Variants in TFEC observed in about 807,000 individuals in gnomAD.
TFEC encodes class E basic helix-loop-helix protein 34.
TFEC carries 31 observed loss-of-function variants against 41.6 expected under a neutral mutation model. The observed-to-expected ratio is 0.74, with a 90% CI of 0.56 to 1.01. TFEC has a LOEUF of 1.01. Among genes scored for constraint, TFEC ranks in the 50% least tolerant of loss-of-function variants. TFEC has a pLI of 0.00. For synonymous variants in TFEC, 143 were observed against 140.6 expected (o/e 1.02, Z -0.12); for missense variants, 402 against 404.1 (o/e 0.99, Z 0.04).
Position 116,104,323 on chromosome 7 carries a change from A to G in TFEC, c.198+6385T>C, listed in dbSNP as rs115976421. Among the ~76,000 whole-genome samples, 273 of 152,228 alleles carry G rather than the reference A, an allele frequency of 1.8e-3. 1 individual carries two copies. Among genetic ancestry groups the G allele is most frequent in the African/African-American group, 6.2e-3 (258 of 41,530 alleles). On this transcript the variant is annotated intron_variant, in intron 3 of 8. Coordinates refer to the TFEC transcript ENST00000484212. Reference sequence around the variant, plus strand: ...TAGTAAGCTCTTGGGCTATCAAGCTATTTCACAGGGTATTAGATGCTGAGT... The same window carrying G: ...TAGTAAGCTCTTGGGCTATCAAGCTGTTTCACAGGGTATTAGATGCTGAGT...
Position 115,936,914 on chromosome 7 carries a change from C to T in TFEC, c.*3637G>A, listed in dbSNP as rs1793255131. On this transcript the variant is annotated 3_prime_UTR_variant, in exon 8 of 8. Coordinates refer to ENST00000265440, the MANE Select transcript of TFEC (RefSeq NM_012252.4). Reference sequence around the variant, plus strand: ...TTTTAAAAACCTATATAAAGAAAGCCATGGTCACTGATATGCCTATAAACT... The same window carrying T: ...TTTTAAAAACCTATATAAAGAAAGCTATGGTCACTGATATGCCTATAAACT... 1.3e-5 allele frequency: 2 copies of T among 151,376 alleles called. No homozygotes were observed. The highest frequency in any genetic ancestry group is 1.3e-4 in the Admixed American group (2 of 15,144). 9.4% of individuals were successfully genotyped at this position (151,376 alleles called of 1,614,324 possible). A position where few individuals can be genotyped will look rare whatever the true frequency, so the allele number is the denominator to read the frequency against.
intron 3 of TFEC, among the ~76,000 whole-genome samples, chr7:116,099,389 G>A (rs563608182): frequency 9.9e-5 from 15 of 152,078 alleles, no homozygotes; most frequent in Non-Finnish European, 2.2e-4. Context: ...TACAGTTAGG[G>A]TACCCAATGA....
At chr7:116,095,748 T>C (rs1797437864) in intron 3 of TFEC, among the ~76,000 whole-genome samples, 1 of 152,182 alleles carries the variant, frequency 6.6e-6, no homozygotes, top group Non-Finnish European at 1.5e-5. Flanking sequence ...CGTTTCCTTT[T>C]ATTTTTTTTT....
chr7:116,151,858 T>C (rs1278216724), intron 1 of TFEC, among the ~76,000 whole-genome samples: 2 of 152,152 alleles, frequency 1.3e-5, no homozygotes, highest in African/African-American at 4.8e-5. Context: ...TAAATATTTG[T>C]TTTCCATCCA....
chr7:115,992,179 C>T (rs1390584592), intron 1 of TFEC, among the ~76,000 whole-genome samples: 1 of 152,092 alleles, frequency 6.6e-6, no homozygotes, highest in Admixed American at 6.6e-5. Flanking sequence ...ACACAACATA[C>T]CAGAATCTCT....
Position 115,950,950 on chromosome 7 carries a change from C to T in TFEC, c.440-1G>A, listed in dbSNP as rs180872665. ...ATATTATACCTTCTTCTTCTTTCAA[C>T]TATTAAAGAAGAAATATTATTGATT... is the stretch of plus-strand genomic sequence containing the variant. On this transcript the variant is annotated splice_acceptor_variant, in intron 5 of 7. Coordinates refer to ENST00000265440, the MANE Select transcript of TFEC (RefSeq NM_012252.4). LOFTEE classifies it high-confidence loss of function. 28 of 1,554,050 alleles carry T rather than the reference C, an allele frequency of 1.8e-5. No homozygotes were observed. The Admixed American group carries it at 4.0e-4, about 22-fold the overall frequency.
rs1436130148 is a variant in TFEC at position 116,119,333 on chromosome 7, G to C, written c.-68-7295C>G. Among the ~76,000 whole-genome samples, 4 of 151,386 alleles carry C rather than the reference G, an allele frequency of 2.6e-5. No homozygotes were observed. The Admixed American group carries it at 2.6e-4, about 10-fold the overall frequency. On this transcript the variant is annotated intron_variant, in intron 1 of 8. Transcript: ENST00000484212. ...TATTAGCAATAATTGAGAAAAACAT[G>C]GATCTAGCCAATGCAATAGGTCTGG...
chr7:116,020,636 C>G (rs1036495437), intron 1 of TFEC, among the ~76,000 whole-genome samples: 1 of 151,972 alleles, frequency 6.6e-6, no homozygotes, highest in Non-Finnish European at 1.5e-5. Context: ...AATCACACAG[C>G]AAAAATTTTA....
intron 1 of TFEC, among the ~76,000 whole-genome samples, chr7:116,149,524 A>C (rs1431793307): frequency 6.6e-6 from 1 of 152,190 alleles, no homozygotes; most frequent in Non-Finnish European, 1.5e-5. Flanking sequence ...TTTCACAAAA[A>C]TTAATGGAAG....
At chr7:115,941,132 CTTTTT>C (rs1398024345) in intron 7 of TFEC, 1 of 559,162 alleles carries the variant, frequency 1.8e-6, no homozygotes, top group Non-Finnish European at 3.0e-6. Context: ...ATTACTCAGA[CTTTTT>C]TTTAAGTTTG....
chr7:116,118,050 G>A (rs759216810), intron 1 of TFEC, among the ~76,000 whole-genome samples: 2 of 151,732 alleles, frequency 1.3e-5, no homozygotes, highest in Non-Finnish European at 3.0e-5. Flanking sequence ...TAACTATTTT[G>A]CCCCTTTAAC....
intron 1 of TFEC, among the ~76,000 whole-genome samples, chr7:116,016,291 T>C (rs983097240): frequency 6.6e-6 from 1 of 152,092 alleles, no homozygotes; most frequent in Non-Finnish European, 1.5e-5. Context: ...CCTGCAGGGA[T>C]TGGAGGAACT....
At chr7:115,958,061 T>A (rs1168030751) in intron 3 of TFEC, among the ~76,000 whole-genome samples, 1 of 151,878 alleles carries the variant, frequency 6.6e-6, no homozygotes, top group East Asian at 1.9e-4. Flanking sequence ...ATTTTTTCAT[T>A]ATTAACTCTA....
rs1350219871 is a variant in TFEC, at chr7:115,944,840, A to C, written c.516-2800T>G. Reference sequence around the variant, plus strand: ...TATAGTGACTTGGCACACTCTTAGTAAATAAAACTGCAACAAAGATTTCAC... The same window carrying C: ...TATAGTGACTTGGCACACTCTTAGTCAATAAAACTGCAACAAAGATTTCAC... On this transcript the variant is annotated intron_variant, in intron 6 of 7. Coordinates refer to ENST00000265440, the MANE Select transcript of TFEC (RefSeq NM_012252.4). 2.0e-5 allele frequency among the ~76,000 whole-genome samples: 3 copies of C among 151,430 alleles called. No individual in the cohort carries two copies. The East Asian group carries it at 5.9e-4, about 30-fold the overall frequency.
At chr7:116,112,146 T>C in intron 1 of TFEC, 14 of 428,060 alleles carry the variant, frequency 3.3e-5, no homozygotes, top group Non-Finnish European at 4.4e-5. Flanking sequence ...ATACATTGGA[T>C]GTTCAATGTG....
At chr7:115,950,186 ATTT>A (rs1584566086) in intron 6 of TFEC, among the ~76,000 whole-genome samples, 1 of 151,790 alleles carries the variant, frequency 6.6e-6, no homozygotes, top group Admixed American at 6.6e-5. Context: ...TAACTTTTGT[ATTT>A]TTAATAGAGA....
chr7:115,984,652 T>G (rs1278598871), intron 1 of TFEC, 139 bp from the exon 2 acceptor site: 7 of 1,006,628 alleles, frequency 7.0e-6, no homozygotes, highest in Non-Finnish European at 9.7e-6. Context: ...TCCATACTTC[T>G]GTCATAAGTT....
chr7:116,056,316 G>C lies in TFEC; in HGVS notation c.198+54392C>G, dbSNP rs150539771. Among the ~76,000 whole-genome samples the C allele has an allele frequency of 1.5e-3, 230 of 152,244 alleles. 2 individuals are homozygous for C. In the Middle Eastern group the frequency reaches 0.02, roughly 14 times the overall value. On this transcript the variant is annotated intron_variant, in intron 3 of 8. Transcript: ENST00000484212. ...AGACTCCTCGAGTTGAGTTGGTCTG[G>C]TAGTATTGGGAGACTAGGTAGCTAG...
At chr7:116,035,798 A>G (rs1489755145), upstream of TFEC, among the ~76,000 whole-genome samples, 1 of 152,026 alleles carries the variant, frequency 6.6e-6, no homozygotes, top group Non-Finnish European at 1.5e-5. Context: ...TAGGACAAAT[A>G]TCTAATAATT....
Sources: gnomAD v4.1 joint callset for allele counts (sites outside exome capture counted in the v4.1 genomes callset) on GRCh38, gnomAD v4.1.1 for gene constraint, MANE v1.5 for transcripts, NCBI Gene and HGNC (gene_info 2026-07-23, HGNC 2026-07-21) for gene names.